Variants in ARHGAP44 observed in about 807,000 individuals in gnomAD.
ARHGAP44 encodes the protein Rho GTPase activating protein 44.
ARHGAP44 carries 43 observed loss-of-function variants against 106.8 expected under a neutral mutation model. That is an observed-to-expected ratio of 0.40 (90% CI 0.32 to 0.52). The LOEUF is 0.52. Ranked by LOEUF, ARHGAP44 falls within the 20% of genes least tolerant of loss-of-function variation. ARHGAP44 has a pLI of 0.48. For synonymous variants in ARHGAP44, 439 were observed against 410.3 expected (o/e 1.07, Z -0.85); for missense variants, 866 against 1,050.5 (o/e 0.82, Z 2.43).
intron 1 of ARHGAP44, among the ~76,000 whole-genome samples, chr17:12,886,964 G>GTTTTTTTTTT (rs769468845): frequency 9.2e-6 from 1 of 109,002 alleles, no homozygotes; most frequent in Non-Finnish European, 1.8e-5. Context: ...TTTTCTAAGA[G>GTTTTTTTTTT]TTTTTTTTTT....
Position 12,944,077 on chromosome 17 carries a change from G to A in ARHGAP44, c.742G>A (p.Val248Ile), listed in dbSNP as rs2038779668. 1 of 1,611,164 alleles carries A rather than the reference G, an allele frequency of 6.2e-7. No individual in the cohort carries two copies. Among genetic ancestry groups the A allele is most frequent in the African/African-American group, 1.3e-5 (1 of 75,026 alleles). ...CTCACTCCTCCCCTCAGAGGCCTGGGTAGAGAAGCCTTCCTTCGGGAAGCC... is the reference window on the plus strand; with the variant it reads ...CTCACTCCTCCCCTCAGAGGCCTGGATAGAGAAGCCTTCCTTCGGGAAGCC... ...PQIKAQQEAW[V>I]EKPSFGKPLE... Residue 248 changes from valine to isoleucine, a missense_variant, in exon 10 of 21, where the codon GTA becomes ATA. Physicochemically the swap from Val to Ile is conservative, Grantham distance 29 (BLOSUM62 3). This residue lies in a region of ARHGAP44 where 448 missense variants were observed against 646.9 expected (regional missense o/e 0.69). Transcript: ENST00000379672.
At chr17:12,864,710 G>T (rs2036183426) in intron 1 of ARHGAP44, among the ~76,000 whole-genome samples, 1 of 152,124 alleles carries the variant, frequency 6.6e-6, no homozygotes, top group South Asian at 2.1e-4. Flanking sequence ...TATTGAAATA[G>T]AACTGAATAA....
intron 19 of ARHGAP44, among the ~76,000 whole-genome samples, chr17:12,981,809 G>A (rs2039838357): frequency 6.7e-6 from 1 of 150,246 alleles, no homozygotes; most frequent in Non-Finnish European, 1.5e-5. Context: ...TCAGGAGTTT[G>A]AGACCAGACT....
chr17:12,924,535 C>G (rs561117073), intron 6 of ARHGAP44, among the ~76,000 whole-genome samples: 1 of 152,260 alleles, frequency 6.6e-6, no homozygotes, highest in South Asian at 2.1e-4. Context: ...CCATTTCTGC[C>G]GAACCAGCTG....
At chr17:12,928,816 G>A in intron 6 of ARHGAP44, 113 bp from the exon 7 acceptor site, 1 of 871,088 alleles carries the variant, frequency 1.1e-6, no homozygotes, top group East Asian at 2.8e-5. Flanking sequence ...CTTTTCCAGT[G>A]AGGGTATGTA....
chr17:12,972,018 G>A (rs933805001), intron 16 of ARHGAP44, among the ~76,000 whole-genome samples: 3 of 152,118 alleles, frequency 2.0e-5, no homozygotes, highest in African/African-American at 7.2e-5. Context: ...ACCTCTACAA[G>A]GTAAATATGA....
At chr17:12,822,683 A>G (rs1366415991) in intron 1 of ARHGAP44, among the ~76,000 whole-genome samples, 1 of 152,212 alleles carries the variant, frequency 6.6e-6, no homozygotes, top group Non-Finnish European at 1.5e-5. Context: ...ATGCAGCCAC[A>G]GAGCAAGGAA....
intron 1 of ARHGAP44, among the ~76,000 whole-genome samples, chr17:12,879,658 T>C (rs911474108): frequency 6.7e-6 from 1 of 148,458 alleles, no homozygotes; most frequent in African/African-American, 2.5e-5. Context: ...ATTTTATGTA[T>C]GTATAAATAT....
chr17:12,835,642 T>G (rs1287284343), intron 1 of ARHGAP44, among the ~76,000 whole-genome samples: 1 of 152,226 alleles, frequency 6.6e-6, no homozygotes, highest in Non-Finnish European at 1.5e-5. Context: ...TAAAAAAAAT[T>G]GTGAAAAACA....
At chr17:12,882,366 C>T (rs574175181) in intron 1 of ARHGAP44, among the ~76,000 whole-genome samples, 1 of 152,028 alleles carries the variant, frequency 6.6e-6, no homozygotes, top group African/African-American at 2.4e-5. Context: ...CTGTAGATTA[C>T]TTTGGATTAT....
chr17:12,812,259 A>G (rs916813101), intron 1 of ARHGAP44, among the ~76,000 whole-genome samples: 61 of 152,310 alleles, frequency 4.0e-4, no homozygotes, highest in African/African-American at 1.4e-3. Flanking sequence ...ATGCTAGAAT[A>G]ATTGGGAGGC....
chr17:12,824,901 G>C (rs1213696144), intron 1 of ARHGAP44, among the ~76,000 whole-genome samples: 4 of 151,634 alleles, frequency 2.6e-5, no homozygotes, highest in Admixed American at 2.0e-4. Flanking sequence ...TATCACTTTT[G>C]GGGAAGATTT....
chr17:12,807,665 G>A lies in ARHGAP44; in HGVS notation c.53+17774G>A, dbSNP rs571641638. Among the ~76,000 whole-genome samples, 5 of 152,202 alleles carry A rather than the reference G, an allele frequency of 3.3e-5. No individual in the cohort carries two copies. The East Asian group carries it at 9.7e-4, about 30-fold the overall frequency. ...TTACCTGCTACACTGGGTCCCTCTCGCAACATGTGAGAATTATGGGAGCTA... is the reference window on the plus strand; with the variant it reads ...TTACCTGCTACACTGGGTCCCTCTCACAACATGTGAGAATTATGGGAGCTA... On this transcript the variant is annotated intron_variant, in intron 1 of 20. Transcript: ENST00000379672.
chr17:12,866,324 T>G (rs1486157679), intron 1 of ARHGAP44, among the ~76,000 whole-genome samples: 2 of 152,298 alleles, frequency 1.3e-5, no homozygotes, highest in East Asian at 3.9e-4. Context: ...ATCGTCTGCC[T>G]TAATATTTTT....
intron 1 of ARHGAP44, among the ~76,000 whole-genome samples, chr17:12,876,609 A>G (rs1344399670): frequency 6.6e-6 from 1 of 151,902 alleles, no homozygotes; most frequent in Non-Finnish European, 1.5e-5. Flanking sequence ...GGAGATGGGG[A>G]GATGGGTTAG....
intron 8 of ARHGAP44, among the ~76,000 whole-genome samples, chr17:12,941,964 A>C (rs2150981793): frequency 6.6e-6 from 1 of 152,336 alleles, no homozygotes; most frequent in East Asian, 1.9e-4. Context: ...AAGGAAGGTA[A>C]GGAGAGGAAA....
At chr17:12,796,944 G>A (rs1250194504) in intron 1 of ARHGAP44, among the ~76,000 whole-genome samples, 1 of 151,944 alleles carries the variant, frequency 6.6e-6, no homozygotes, top group Non-Finnish European at 1.5e-5. Flanking sequence ...GACATTAGTT[G>A]CCTTTTCTAA....
At chr17:12,790,160 C>A (rs1404143101) in intron 1 of ARHGAP44, 1 of 442,980 alleles carries the variant, frequency 2.3e-6, no homozygotes. Context: ...CCCGGCTGCC[C>A]CTTCGCTTCG....
At chr17:12,929,178 C>T (rs553359472) in intron 7 of ARHGAP44, 132 bp downstream of exon 7, 43 of 769,658 alleles carry the variant, frequency 5.6e-5, no homozygotes, top group East Asian at 1.4e-4. Flanking sequence ...CCAAGCCCGC[C>T]GGCTAGCATC....
Sources: allele counts gnomAD v4.1 joint callset (sites outside exome capture counted in the v4.1 genomes callset), GRCh38; gene constraint gnomAD v4.1.1; regional missense constraint gnomAD v4.1.1; transcripts MANE v1.5; gene names NCBI Gene and HGNC (gene_info 2026-07-23, HGNC 2026-07-21).